Variants in ELSPBP1 observed in about 807,000 individuals in gnomAD.
ELSPBP1 encodes epididymal sperm binding protein 1, also known as epididymal sperm-binding protein 1.
ELSPBP1 carries 38 observed loss-of-function variants against 33.3 expected under a neutral mutation model. That is an observed-to-expected ratio of 1.14 (90% CI 0.88 to 1.50). The LOEUF (loss-of-function observed/expected upper bound fraction) is 1.50, where lower values mean the gene tolerates loss of function less well. Among genes scored for constraint, ELSPBP1 ranks in the 40% most tolerant of loss-of-function variants. The probability of loss-of-function intolerance (pLI) is 0.00; values close to 1 mark genes in which losing one functional copy is unlikely to be tolerated. For missense variants in ELSPBP1, 267 were observed against 263.5 expected, an observed-to-expected ratio of 1.01 and a Z score of -0.09; for synonymous variants, 85 against 94.1, an observed-to-expected ratio of 0.90 and a Z score of 0.56.
intron 1 of ELSPBP1, among the ~76,000 whole-genome samples, chr19:48,006,867 T>TA (rs1967025494): frequency 6.6e-6 from 1 of 151,930 alleles, no homozygotes; most frequent in Non-Finnish European, 1.5e-5. Context: ...GTAAAAGGCT[T>TA]CAAGGAAGAA....
intron 1 of ELSPBP1, among the ~76,000 whole-genome samples, chr19:48,006,959 T>TGTTG (rs1267664584): frequency 1.3e-5 from 2 of 152,086 alleles, no homozygotes; most frequent in African/African-American, 4.8e-5. Flanking sequence ...GTTTGGGGCG[T>TGTTG]GTTGTGTGGC....
At chr19:47,998,447 ATC>A (rs1437345045) in intron 1 of ELSPBP1, among the ~76,000 whole-genome samples, 1 of 147,572 alleles carries the variant, frequency 6.8e-6, no homozygotes, top group African/African-American at 2.6e-5. Context: ...CAATCAATCA[ATC>A]TCAGGGATTG....
At chr19:48,016,174 C>G in intron 4 of ELSPBP1, 135 bp downstream of exon 4, 1 of 1,048,120 alleles carries the variant, frequency 9.5e-7, no homozygotes, top group Non-Finnish European at 1.4e-6. Context: ...AGTGTCTGCT[C>G]AGAGAGTTCG....
intron 2 of ELSPBP1, among the ~76,000 whole-genome samples, chr19:48,013,333 G>A (rs1463125235): frequency 6.6e-6 from 1 of 152,162 alleles, no homozygotes; most frequent in East Asian, 1.9e-4. Context: ...GATATGCTCT[G>A]ACATGTCATT....
chr19:48,002,085 C>A (rs1315606017), intron 1 of ELSPBP1, among the ~76,000 whole-genome samples: 1 of 152,088 alleles, frequency 6.6e-6, no homozygotes, highest in Non-Finnish European at 1.5e-5. Flanking sequence ...GGGTATTATT[C>A]TACCCACCAA....
At chr19:48,015,448 G>A (rs1350770540) in intron 3 of ELSPBP1, among the ~76,000 whole-genome samples, 2 of 152,144 alleles carry the variant, frequency 1.3e-5, no homozygotes, top group Non-Finnish European at 2.9e-5. Context: ...CTGAGGCCAG[G>A]AGTTCGAGAC....
At chr19:48,023,529 GAGGAAGGAAAGA>G (rs1967234837) in intron 6 of ELSPBP1, among the ~76,000 whole-genome samples, 3 of 106,804 alleles carry the variant, frequency 2.8e-5, no homozygotes, top group South Asian at 3.3e-4. Flanking sequence ...GGAAGGAAGG[GAGGAAGGAAAGA>G]AGGAAGAAAA....
intron 2 of ELSPBP1, among the ~76,000 whole-genome samples, chr19:48,012,991 T>G (rs1967093701): frequency 6.6e-6 from 1 of 152,110 alleles, no homozygotes; most frequent in African/African-American, 2.4e-5. Flanking sequence ...CCCACCCCCC[T>G]CTCTTTTTTG....
chr19:47,998,643 C>T (rs1966935750), intron 1 of ELSPBP1, among the ~76,000 whole-genome samples: 3 of 151,888 alleles, frequency 2.0e-5, no homozygotes. Context: ...AAAAATCAGC[C>T]GAGCGTGGTG....
chr19:48,009,703 T>A (rs1363136813), intron 2 of ELSPBP1, among the ~76,000 whole-genome samples: 1 of 152,028 alleles, frequency 6.6e-6, no homozygotes, highest in Non-Finnish European at 1.5e-5. Flanking sequence ...ATTTACGTTT[T>A]AAAAAAAGTG....
intron 1 of ELSPBP1, among the ~76,000 whole-genome samples, chr19:47,997,271 T>A (rs1966920576): frequency 1.3e-5 from 2 of 152,148 alleles, no homozygotes; most frequent in Admixed American, 1.3e-4. Context: ...AGATTTTTCA[T>A]TTTGTGATTT....
rs1966951038 is a variant in ELSPBP1, at chr19:48,000,005, A to T, written c.-18+5194A>T. ...GCTCAACTAATTTTTAATATTTTGT[A>T]GAGAAGGAGGGGGTCTCACTACGTT... On this transcript the variant is annotated intron_variant, in intron 1 of 6. Transcript: ENST00000339841. 2.0e-5 allele frequency among the ~76,000 whole-genome samples: 3 copies of T among 151,028 alleles called. No homozygotes were observed. In the South Asian group the frequency reaches 6.3e-4, roughly 32 times the overall value.
chr19:48,008,610 G>A (rs1568405028), intron 1 of ELSPBP1, 41 bp from the exon 2 acceptor site: 1 of 1,411,462 alleles, frequency 7.1e-7, no homozygotes, highest in Admixed American at 1.7e-5. Context: ...GGAAGAGGAA[G>A]GGGACGTGTG....
chr19:47,999,147 G>A (rs1159965042), intron 1 of ELSPBP1, among the ~76,000 whole-genome samples: 4 of 152,188 alleles, frequency 2.6e-5, no homozygotes, highest in African/African-American at 4.8e-5. Flanking sequence ...ACCACCAAAG[G>A]AGACATCTGT....
At chr19:48,005,344 T>G (rs1967007199) in intron 1 of ELSPBP1, among the ~76,000 whole-genome samples, 1 of 152,068 alleles carries the variant, frequency 6.6e-6, no homozygotes, top group Non-Finnish European at 1.5e-5. Context: ...AAAAAGGCCT[T>G]CCTTTAGTCT....
At chr19:48,014,775 G>T (rs114747006) in intron 3 of ELSPBP1, among the ~76,000 whole-genome samples, 2,344 of 151,356 alleles carry the variant, frequency 0.015, 58 homozygotes, top group African/African-American at 0.054. Context: ...AAAAAGAAAA[G>T]GCTCTGGGAT....
chr19:48,024,021 C>T (rs186468320), intron 6 of ELSPBP1, among the ~76,000 whole-genome samples: 4 of 147,448 alleles, frequency 2.7e-5, no homozygotes, highest in African/African-American at 1.0e-4. Flanking sequence ...CAGGGGTGTG[C>T]CACCATGCCC....
intron 4 of ELSPBP1, among the ~76,000 whole-genome samples, chr19:48,016,524 CTTT>C (rs1967141987): frequency 3.7e-5 from 3 of 82,134 alleles, no homozygotes; most frequent in African/African-American, 1.3e-4. Flanking sequence ...TTCTTTCTTT[CTTT>C]CTTCCTTCCT....
intron 3 of ELSPBP1, among the ~76,000 whole-genome samples, chr19:48,015,658 G>A (rs545221573): frequency 5.9e-4 from 89 of 151,922 alleles, no homozygotes; most frequent in Admixed American, 1.8e-3. Flanking sequence ...ACTCTGTCTC[G>A]AAAAAAAGAA....
Sources: gnomAD v4.1 joint callset for allele counts (sites outside exome capture counted in the v4.1 genomes callset) on GRCh38, gnomAD v4.1.1 for gene constraint, MANE v1.5 for transcripts, NCBI Gene and HGNC (gene_info 2026-07-23, HGNC 2026-07-21) for gene names.